The following HS1BP3 variants were observed in gnomAD, a reference collection of about 807,000 sequenced individuals.
The protein encoded by HS1BP3 is HCLS1-binding protein 3.
HS1BP3 carries 32 observed loss-of-function variants against 33.5 expected under a neutral mutation model. The ratio of observed to expected loss-of-function variants is 0.95; its 90% CI spans 0.72 to 1.28. The LOEUF is 1.28. HS1BP3 is among the 50% of genes most tolerant of loss of function. The probability of loss-of-function intolerance (pLI) is 0.00; values close to 1 mark genes in which losing one functional copy is unlikely to be tolerated. For missense variants in HS1BP3, 486 were observed against 502.3 expected (o/e 0.97, Z 0.31); for synonymous variants, 187 against 209.2 (o/e 0.89, Z 0.92).
intron 2 of HS1BP3, among the ~76,000 whole-genome samples, chr2:20,607,932 G>T (rs1011571861): frequency 1.3e-5 from 2 of 151,998 alleles, no homozygotes; most frequent in Non-Finnish European, 2.9e-5. Flanking sequence ...TTCTTTCAGC[G>T]GTGTTACATA....
At chr2:20,567,959 A>G (rs1028255463) in intron 5 of HS1BP3, among the ~76,000 whole-genome samples, 1 of 152,100 alleles carries the variant, frequency 6.6e-6, no homozygotes, top group Admixed American at 6.5e-5. Context: ...GGTCATTTGA[A>G]CAGTCAGTCC....
chr2:20,555,651 C>A (rs187513148), downstream of HS1BP3, among the ~76,000 whole-genome samples: 6 of 151,974 alleles, frequency 3.9e-5, no homozygotes, highest in East Asian at 1.2e-3. Context: ...TTGCTCCCCA[C>A]CCCCCTGCCT....
chr2:20,615,461 A>G (rs1014225437), downstream of HS1BP3, among the ~76,000 whole-genome samples: 7 of 151,378 alleles, frequency 4.6e-5, no homozygotes, highest in Non-Finnish European at 1.0e-4. Flanking sequence ...TGGAGCGATC[A>G]GAGTTTGTAG....
At chr2:20,615,519 G>A (rs1694405807), downstream of HS1BP3, among the ~76,000 whole-genome samples, 1 of 152,260 alleles carries the variant, frequency 6.6e-6, no homozygotes, top group African/African-American at 2.4e-5. Context: ...GCTCCTTGAG[G>A]AGGCTCTGAG....
At chr2:20,559,728 ATG>A (rs1692942397), downstream of HS1BP3, among the ~76,000 whole-genome samples, 1 of 151,394 alleles carries the variant, frequency 6.6e-6, no homozygotes, top group African/African-American at 2.4e-5. Flanking sequence ...GGATGGATGG[ATG>A]GATGGATGGA....
intron 4 of HS1BP3, among the ~76,000 whole-genome samples, chr2:20,627,388 G>A (rs920324653): frequency 3.3e-5 from 5 of 152,248 alleles, no homozygotes; most frequent in Non-Finnish European, 7.3e-5. Flanking sequence ...GCTTTGCATT[G>A]ACCAGAAATC....
At chr2:20,570,956 A>G (rs1693252168) in intron 5 of HS1BP3, among the ~76,000 whole-genome samples, 1 of 152,132 alleles carries the variant, frequency 6.6e-6, no homozygotes, top group African/African-American at 2.4e-5. Context: ...TTTATCCTAA[A>G]GGCACTAGGG....
At chr2:20,629,947 C>T (rs938701406) in intron 4 of HS1BP3, among the ~76,000 whole-genome samples, 12 of 152,232 alleles carry the variant, frequency 7.9e-5, no homozygotes, top group Non-Finnish European at 1.5e-4. Flanking sequence ...ACTCTGGCCA[C>T]CCAGGGGGCC....
chr2:20,606,982 T>TA (rs879512140), intron 2 of HS1BP3, among the ~76,000 whole-genome samples: 22 of 151,972 alleles, frequency 1.4e-4, no homozygotes, highest in Non-Finnish European at 2.5e-4. Context: ...TCTTTTTATT[T>TA]TTTTTTGGCC....
chr2:20,566,854 G>A (rs1156306897), intron 5 of HS1BP3, among the ~76,000 whole-genome samples: 1 of 152,116 alleles, frequency 6.6e-6, no homozygotes, highest in East Asian at 1.9e-4. Context: ...TGATCTGCCT[G>A]CCTCAGCCTC....
chr2:20,651,005 G>A (rs1416167894), intron 1 of HS1BP3, 27 bp downstream of exon 1: 7 of 1,236,086 alleles, frequency 5.7e-6, no homozygotes, highest in Non-Finnish European at 7.1e-6. Flanking sequence ...CGAGCTGTGC[G>A]GTGTGGGGCG....
intron 4 of HS1BP3, among the ~76,000 whole-genome samples, chr2:20,630,761 G>C (rs140501348): frequency 6.6e-6 from 1 of 152,230 alleles, no homozygotes; most frequent in African/African-American, 2.4e-5. Flanking sequence ...TTCAGAGAAG[G>C]CCAGGATGGA....
At chr2:20,620,730 G>C (rs954165504) in intron 6 of HS1BP3, among the ~76,000 whole-genome samples, 1 of 152,206 alleles carries the variant, frequency 6.6e-6, no homozygotes. Flanking sequence ...TTCTTACAAG[G>C]ATCAAATAAG....
At chr2:20,600,987 T>C (rs1694059069) in intron 2 of HS1BP3, among the ~76,000 whole-genome samples, 1 of 152,248 alleles carries the variant, frequency 6.6e-6, no homozygotes, top group Non-Finnish European at 1.5e-5. Context: ...ACTTTCTTTT[T>C]AACTAATATT....
At chr2:20,561,973 G>A (rs1018957339) in intron 5 of HS1BP3, among the ~76,000 whole-genome samples, 4 of 152,126 alleles carry the variant, frequency 2.6e-5, no homozygotes, top group African/African-American at 9.7e-5. Context: ...AATGGCCAAT[G>A]ATTTAATCAA....
downstream of HS1BP3, among the ~76,000 whole-genome samples, chr2:20,558,486 A>G (rs1692895112): frequency 1.3e-5 from 2 of 152,178 alleles, no homozygotes; most frequent in Non-Finnish European, 2.9e-5. Flanking sequence ...CTGGGCTGCA[A>G]GGTAGCTGAC....
chr2:20,619,098 C>T lies in HS1BP3; in HGVS notation c.1068G>A (p.Val356=), dbSNP rs921793980. ...VPPKAGPAEA[V]AGQQKPQEQI... Reference sequence around the variant, plus strand: ...GCTCCTGCGGCTTCTGCTGCCCAGCCACAGCTTCAGCCGGGCCCGCTTTGG... The same window carrying T: ...GCTCCTGCGGCTTCTGCTGCCCAGCTACAGCTTCAGCCGGGCCCGCTTTGG... The change falls in exon 7 of 7, where the codon GTG becomes GTA. Residue 356 remains valine (V), a synonymous_variant. Coordinates refer to ENST00000304031, the MANE Select transcript of HS1BP3 (RefSeq NM_022460.4). The T allele has an allele frequency of 2.2e-5, 36 of 1,614,188 alleles. No homozygotes were observed. Among genetic ancestry groups the T allele is most frequent in the Non-Finnish European group, 3.0e-5 (35 of 1,180,010 alleles).
At position 20,638,702 on chromosome 2, in the gene HS1BP3, G is replaced by A. The variant is rs777835507; in HGVS notation, c.407-50C>T. On this transcript the variant is annotated intron_variant, in intron 3 of 6. Transcript: ENST00000304031. Reference sequence around the variant, plus strand: ...GGACTTGGTAACCACCCCAGAGCCAGGGGAGGCATCTTGCCACACTGCACC... The same window carrying A: ...GGACTTGGTAACCACCCCAGAGCCAAGGGAGGCATCTTGCCACACTGCACC... The A allele has an allele frequency of 8.2e-6, 12 of 1,465,560 alleles. No individual in the cohort carries two copies. In the Admixed American group the frequency reaches 2.1e-4, roughly 26 times the overall value. 90.8% of individuals were successfully genotyped at this position (1,465,560 alleles called of 1,614,324 possible).
At chr2:20,588,209 T>C (rs1303294535), downstream of HS1BP3, among the ~76,000 whole-genome samples, 2 of 152,196 alleles carry the variant, frequency 1.3e-5, no homozygotes, top group African/African-American at 4.8e-5. Context: ...TTCTATATTT[T>C]CATAATTGTC....
Sources: allele counts gnomAD v4.1 joint callset (sites outside exome capture counted in the v4.1 genomes callset), GRCh38; gene constraint gnomAD v4.1.1; transcripts MANE v1.5; gene names NCBI Gene and HGNC (gene_info 2026-07-23, HGNC 2026-07-21).